The following FRMD4A variants were observed in gnomAD, a reference collection of about 807,000 sequenced individuals.
FRMD4A encodes the protein FERM domain-containing protein 4A.
A neutral mutation model predicts 129.1 loss-of-function variants in FRMD4A; 29 were observed. The ratio of observed to expected loss-of-function variants is 0.22; its 90% CI spans 0.17 to 0.31. FRMD4A has a LOEUF of 0.31. FRMD4A is among the 10% of genes least tolerant of loss of function. FRMD4A has a pLI of 1.00. For missense variants in FRMD4A, 1,272 were observed against 1,375.8 expected, an observed-to-expected ratio of 0.92 and a Z score of 1.19; for synonymous variants, 634 against 571.6, an observed-to-expected ratio of 1.11 and a Z score of -1.56.
chr10:13,757,748 CT>C (rs1375906979), intron 8 of FRMD4A, among the ~76,000 whole-genome samples: 2 of 151,924 alleles, frequency 1.3e-5, no homozygotes, highest in Non-Finnish European at 1.5e-5. Context: ...TTGACTTCGT[CT>C]TTTTTTTATT....
intron 2 of FRMD4A, among the ~76,000 whole-genome samples, chr10:14,112,831 A>G (rs1273811322): frequency 6.6e-6 from 1 of 152,154 alleles, no homozygotes; most frequent in Non-Finnish European, 1.5e-5. Flanking sequence ...CGGCCCCCTG[A>G]TTAAACTTTT....
intron 2 of FRMD4A, among the ~76,000 whole-genome samples, chr10:13,944,952 G>C (rs1396489053): frequency 6.6e-6 from 1 of 152,188 alleles, no homozygotes; most frequent in African/African-American, 2.4e-5. Context: ...AGTGTGATCA[G>C]GTTGAGCCAT....
intron 22 of FRMD4A, chr10:13,654,822 G>A (rs1011986614): frequency 7.0e-6 from 3 of 426,520 alleles, no homozygotes; most frequent in Non-Finnish European, 1.2e-5. Flanking sequence ...GTAGGCATAG[G>A]GATGGTGACG....
At chr10:13,914,300 T>C (rs1369190080) in intron 2 of FRMD4A, among the ~76,000 whole-genome samples, 2 of 152,196 alleles carry the variant, frequency 1.3e-5, no homozygotes, top group Admixed American at 6.5e-5. Flanking sequence ...AATAACCATA[T>C]ACAAGGAATG....
intron 8 of FRMD4A, among the ~76,000 whole-genome samples, chr10:13,754,627 G>T: frequency 6.6e-6 from 1 of 151,630 alleles, no homozygotes; most frequent in African/African-American, 2.4e-5. Context: ...TAGTATATGA[G>T]AATTATATTA....
At chr10:14,258,489 T>C (rs1161318440) in intron 2 of FRMD4A, among the ~76,000 whole-genome samples, 1 of 152,094 alleles carries the variant, frequency 6.6e-6, no homozygotes, top group Non-Finnish European at 1.5e-5. Flanking sequence ...CAAATTAAAT[T>C]CACAATGAAA....
intron 2 of FRMD4A, among the ~76,000 whole-genome samples, chr10:14,204,885 A>T (rs1320000252): frequency 6.6e-6 from 1 of 152,120 alleles, no homozygotes; most frequent in African/African-American, 2.4e-5. Context: ...GCACTGCACC[A>T]CCAAAATAAC....
At chr10:14,070,083 C>T (rs1461516073) in intron 2 of FRMD4A, among the ~76,000 whole-genome samples, 1 of 152,156 alleles carries the variant, frequency 6.6e-6, no homozygotes, top group Admixed American at 6.5e-5. Context: ...TCCCTCAAAT[C>T]ACACATTTAC....
intron 2 of FRMD4A, among the ~76,000 whole-genome samples, chr10:14,246,382 TACACACAC>T (rs72276961): frequency 0.77 from 115,579 of 150,998 alleles, 45,789 homozygotes; most frequent in Non-Finnish European, 0.86. Context: ...AAAACACACA[TACACACAC>T]ACACACACAC....
intron 2 of FRMD4A, among the ~76,000 whole-genome samples, chr10:14,166,170 T>C (rs1490816825): frequency 1.3e-5 from 2 of 150,564 alleles, no homozygotes; most frequent in East Asian, 1.9e-4. Flanking sequence ...GTTATATAAA[T>C]AATATATTAA....
intron 2 of FRMD4A, among the ~76,000 whole-genome samples, chr10:14,032,730 G>A (rs1232352990): frequency 1.3e-5 from 2 of 152,174 alleles, no homozygotes; most frequent in African/African-American, 2.4e-5. Context: ...ACACCAGCAT[G>A]GCATCCCCTC....
intron 2 of FRMD4A, among the ~76,000 whole-genome samples, chr10:14,129,676 G>A (rs1210486214): frequency 6.6e-6 from 1 of 151,852 alleles, no homozygotes; most frequent in Non-Finnish European, 1.5e-5. Flanking sequence ...GGTCGCCTTG[G>A]GTAATTAGTT....
chr10:13,965,350 C>A (rs1024061891), intron 2 of FRMD4A, among the ~76,000 whole-genome samples: 1 of 152,132 alleles, frequency 6.6e-6, no homozygotes, highest in Non-Finnish European at 1.5e-5. Context: ...GTTTAAAATG[C>A]CAACAGCCAG....
At chr10:13,791,812 C>G (rs965246047) in intron 5 of FRMD4A, among the ~76,000 whole-genome samples, 3 of 152,130 alleles carry the variant, frequency 2.0e-5, no homozygotes, top group Admixed American at 6.5e-5. Flanking sequence ...GCTTGTAAGT[C>G]TCGGGAGTGA....
At chr10:13,788,315 C>G (rs964109125) in intron 5 of FRMD4A, among the ~76,000 whole-genome samples, 3 of 152,244 alleles carry the variant, frequency 2.0e-5, no homozygotes, top group Non-Finnish European at 1.5e-5. Context: ...AGCCCCCATG[C>G]TGCAGAGCCC....
At chr10:14,240,794 C>T (rs537509647) in intron 2 of FRMD4A, among the ~76,000 whole-genome samples, 1 of 152,198 alleles carries the variant, frequency 6.6e-6, no homozygotes, top group South Asian at 2.1e-4. Context: ...ATATTCACAA[C>T]CTTAACTTTA....
chr10:13,924,582 T>C (rs2095108925), intron 2 of FRMD4A, among the ~76,000 whole-genome samples: 1 of 152,134 alleles, frequency 6.6e-6, no homozygotes, highest in East Asian at 1.9e-4. Context: ...CACATTCTTT[T>C]CACATTACTC....
chr10:14,058,287 C>G (rs1395888246), intron 2 of FRMD4A, among the ~76,000 whole-genome samples: 2 of 152,124 alleles, frequency 1.3e-5, no homozygotes, highest in East Asian at 1.9e-4. Context: ...AGTTACACAC[C>G]TATTGCTTTT....
At chr10:14,232,751 A>G (rs1412554457) in intron 2 of FRMD4A, among the ~76,000 whole-genome samples, 2 of 152,182 alleles carry the variant, frequency 1.3e-5, no homozygotes, top group African/African-American at 4.8e-5. Context: ...TAGAAATGCT[A>G]CTAATTTGTG....
Sources: gnomAD v4.1 joint callset for allele counts (sites outside exome capture counted in the v4.1 genomes callset) on GRCh38, gnomAD v4.1.1 for gene constraint, MANE v1.5 for transcripts, NCBI Gene and HGNC (gene_info 2026-07-23, HGNC 2026-07-21) for gene names.